Variants in PCDHGB7 observed in about 807,000 individuals in gnomAD.
The protein encoded by PCDHGB7 is protocadherin gamma subfamily B, 7.
Under a neutral mutation model 61.4 loss-of-function variants are expected in PCDHGB7, and 37 were observed. That is an observed-to-expected ratio of 0.60 (90% CI 0.46 to 0.79). PCDHGB7 has a LOEUF of 0.79. Among genes scored for constraint, PCDHGB7 ranks in the 30% least tolerant of loss-of-function variants. The probability of loss-of-function intolerance (pLI) is 0.00; values close to 1 mark genes in which losing one functional copy is unlikely to be tolerated. For synonymous variants in PCDHGB7, 464 were observed against 503.5 expected, an observed-to-expected ratio of 0.92 and a Z score of 1.05; for missense variants, 1,166 against 1,202.5, an observed-to-expected ratio of 0.97 and a Z score of 0.45.
chr5:141,457,417 CTTTT>C (rs894846890), intron 1 of PCDHGB7, among the ~76,000 whole-genome samples: 4 of 152,180 alleles, frequency 2.6e-5, no homozygotes, highest in Admixed American at 2.6e-4. Context: ...TTACCCATCC[CTTTT>C]TCCCCCCCAC....
Position 141,432,093 on chromosome 5 carries a change from C to G in PCDHGB7, c.2415+11819C>G. On this transcript the variant is annotated intron_variant, in intron 1 of 3. Coordinates refer to ENST00000398594, the MANE Select transcript of PCDHGB7 (RefSeq NM_018927.4). This position sits in a 1 kb window ranked among gnomAD's most constrained non-coding sequence, Gnocchi z 6.0. ...CATATCTCGCTGAACGTGGCAGACA[C>G]CAACGACAACCCGCCGGTCTTCCCT... 1 of 1,614,170 alleles carries G rather than the reference C, an allele frequency of 6.2e-7. No individual in the cohort carries two copies. The highest frequency in any genetic ancestry group is 8.5e-7 in the Non-Finnish European group (1 of 1,180,046).
intron 1 of PCDHGB7, among the ~76,000 whole-genome samples, chr5:141,453,261 A>G (rs1387512741): frequency 6.6e-6 from 1 of 152,028 alleles, no homozygotes; most frequent in Non-Finnish European, 1.5e-5. Context: ...CTGCAAGTGC[A>G]CACCACCATG....
intron 1 of PCDHGB7, chr5:141,433,007 C>T (rs550227016): frequency 1.2e-6 from 2 of 1,614,198 alleles, no homozygotes; most frequent in Admixed American, 3.3e-5. Context: ...GCAGGCTTTC[C>T]TGCAGACCTA....
chr5:141,466,984 C>A (rs2099133455), intron 1 of PCDHGB7, among the ~76,000 whole-genome samples: 1 of 151,586 alleles, frequency 6.6e-6, no homozygotes, highest in Non-Finnish European at 1.5e-5. Context: ...CATCATTTAC[C>A]TTTTGGCATT....
intron 1 of PCDHGB7, among the ~76,000 whole-genome samples, chr5:141,454,250 C>T (rs1453631901): frequency 6.6e-6 from 1 of 151,974 alleles, no homozygotes; most frequent in African/African-American, 2.4e-5. Context: ...TGAAGATGTC[C>T]CAGAGAAAGT....
Position 141,491,874 on chromosome 5 carries a change from T to G in PCDHGB7, c.2416-2933T>G, listed in dbSNP as rs1160702024. On this transcript the variant is annotated intron_variant, in intron 1 of 3. Coordinates refer to ENST00000398594, the MANE Select transcript of PCDHGB7 (RefSeq NM_018927.4). The surrounding 1 kb of genome is among the most constrained non-coding windows in gnomAD (Gnocchi z 6.9). ...GTTTGCGCGAAACCAGAGTGGCCGA[T>G]TAAGGGATGGGGCTCCGAGCACCGG... 15 of 1,451,168 alleles carry G rather than the reference T, an allele frequency of 1.0e-5. No homozygotes were observed. The highest frequency in any genetic ancestry group is 1.4e-5 in the Non-Finnish European group (15 of 1,098,162). 89.9% of individuals were successfully genotyped at this position (1,451,168 alleles called of 1,614,324 possible). A position where few individuals can be genotyped will look rare whatever the true frequency, so the allele number is the denominator to read the frequency against.
chr5:141,452,015 C>T (rs2098730990), intron 1 of PCDHGB7, among the ~76,000 whole-genome samples: 1 of 152,306 alleles, frequency 6.6e-6, no homozygotes, highest in African/African-American at 2.4e-5. Context: ...GTCCAGCCCA[C>T]ACTCTGGGGA....
chr5:141,500,645 A>C (rs2099801792), intron 2 of PCDHGB7, among the ~76,000 whole-genome samples: 1 of 152,228 alleles, frequency 6.6e-6, no homozygotes, highest in African/African-American at 2.4e-5. Flanking sequence ...GTTTTTTAAA[A>C]ATAGCAACTG....
rs907427230 is a variant in PCDHGB7, at chr5:141,489,936, G to A, written c.2416-4871G>A. 4 of 1,614,096 alleles carry A rather than the reference G, an allele frequency of 2.5e-6. No homozygotes were observed. In the African/African-American group the frequency reaches 5.3e-5, roughly 22 times the overall value. ...GGACCACCCTTATCTCTGTCATCGT[G>A]CTGGACATCAATGATAATGCTCCAA... is the stretch of plus-strand genomic sequence containing the variant. On this transcript the variant is annotated intron_variant, in intron 1 of 3. Coordinates refer to ENST00000398594, the MANE Select transcript of PCDHGB7 (RefSeq NM_018927.4). This position sits in a 1 kb window ranked among gnomAD's most constrained non-coding sequence, Gnocchi z 4.5.
chr5:141,487,455 A>G lies in PCDHGB7; in HGVS notation c.2416-7352A>G, dbSNP rs751456631. 6.2e-7 allele frequency: 1 copy of G among 1,614,122 alleles called. No individual in the cohort carries two copies. The highest frequency in any genetic ancestry group is 8.5e-7 in the Non-Finnish European group (1 of 1,180,032). On this transcript the variant is annotated intron_variant, in intron 1 of 3. Coordinates refer to ENST00000398594, the MANE Select transcript of PCDHGB7 (RefSeq NM_018927.4). The surrounding 1 kb of genome is among the most constrained non-coding windows in gnomAD (Gnocchi z 5.0). ...CAGCTAGGGTCAGATGACCCTATCA[A>G]GTTTGTTGATGTGGGAGGCCACTCT...
rs533830391 is a variant in PCDHGB7, at chr5:141,492,559, C to T, written c.2416-2248C>T. 4.6e-5 allele frequency among the ~76,000 whole-genome samples: 7 copies of T among 152,292 alleles called. No homozygotes were observed. The East Asian group carries it at 1.4e-3, about 29-fold the overall frequency. The stretch of plus-strand genomic sequence containing the variant: ...GGGCTGGGCCGGGTCGCCTGGGGGG[C>T]GGCCTGAGCGAGGCGCGGGGCCAGG... On this transcript the variant is annotated intron_variant, in intron 1 of 3. Coordinates refer to ENST00000398594, the MANE Select transcript of PCDHGB7 (RefSeq NM_018927.4).
chr5:141,433,703 G>T (rs1561871157), intron 1 of PCDHGB7, among the ~76,000 whole-genome samples: 1 of 152,098 alleles, frequency 6.6e-6, no homozygotes, highest in Non-Finnish European at 1.5e-5. Flanking sequence ...CGGGCGTGGT[G>T]GTGCATGTCT....
chr5:141,485,192 A>T lies in PCDHGB7; in HGVS notation c.2416-9615A>T. 1.2e-6 allele frequency: 2 copies of T among 1,613,942 alleles called. No individual in the cohort carries two copies. Among genetic ancestry groups the T allele is most frequent in the African/African-American group, 2.7e-5 (2 of 75,048 alleles). On this transcript the variant is annotated intron_variant, in intron 1 of 3. Transcript: ENST00000398594. The surrounding 1 kb of genome is among the most constrained non-coding windows in gnomAD (Gnocchi z 5.7). ...GGCAGCAATGCTCCGCAAGGTGAGA[A>T]GCTGGACAGAAATCTGGCGGTGGGC... is the stretch of plus-strand genomic sequence containing the variant.
intron 1 of PCDHGB7, chr5:141,475,966 A>T (rs1252698069): frequency 2.3e-6 from 2 of 888,664 alleles, no homozygotes; most frequent in Admixed American, 5.2e-5. Flanking sequence ...GGGATGAGGC[A>T]GAGACTGAAC....
intron 1 of PCDHGB7, among the ~76,000 whole-genome samples, chr5:141,475,285 A>G (rs2099361212): frequency 6.6e-6 from 1 of 152,244 alleles, no homozygotes; most frequent in Non-Finnish European, 1.5e-5. Context: ...AAGACAGGGT[A>G]GGGAAATTTC....
intron 1 of PCDHGB7, among the ~76,000 whole-genome samples, chr5:141,469,345 G>A (rs2099197832): frequency 6.6e-6 from 1 of 152,128 alleles, no homozygotes; most frequent in Non-Finnish European, 1.5e-5. Context: ...GGGAGGCTGA[G>A]GTGGATGGAT....
intron 1 of PCDHGB7, among the ~76,000 whole-genome samples, chr5:141,462,650 TC>T (rs1254671361): frequency 7.3e-6 from 1 of 137,262 alleles, no homozygotes; most frequent in African/African-American, 3.0e-5. Context: ...ATTTCCATCC[TC>T]AATTATCTTC....
Position 141,423,756 on chromosome 5 carries a change from G to GA in PCDHGB7, c.2415+3482_2415+3483insA. ...GCCTGTTATGAAAACTGTTTGGGGGGGGGGTGGGGCGGCATATATTTAGTT... is the reference window on the plus strand; with the variant it reads ...GCCTGTTATGAAAACTGTTTGGGGGGAGGGGTGGGGCGGCATATATTTAGTT... On this transcript the variant is annotated intron_variant, in intron 1 of 3. Transcript: ENST00000398594. 2 of 448,622 alleles carry GA rather than the reference G, an allele frequency of 4.5e-6. 1 individual carries two copies. The highest frequency in any genetic ancestry group is 6.1e-6 in the Non-Finnish European group (2 of 329,708). 27.8% of individuals were successfully genotyped at this position (448,622 alleles called of 1,614,324 possible). A position where few individuals can be genotyped will look rare whatever the true frequency, so the allele number is the denominator to read the frequency against.
chr5:141,426,805 A>G (rs1222690899), intron 1 of PCDHGB7: 2 of 456,720 alleles, frequency 4.4e-6, no homozygotes, highest in African/African-American at 2.0e-5. Flanking sequence ...CTCAGTTCTA[A>G]TGAACATTTC....
Sources: gnomAD v4.1 joint callset for allele counts (sites outside exome capture counted in the v4.1 genomes callset) on GRCh38, gnomAD v4.1.1 for gene constraint, Gnocchi (gnomAD v3.1) non-coding constraint, MANE v1.5 for transcripts, NCBI Gene and HGNC (gene_info 2026-07-23, HGNC 2026-07-21) for gene names.